ZNF25: variants seen among roughly 807,000 people sequenced by gnomAD.
ZNF25 encodes zinc finger protein 25 (KOX 19).
Under a neutral mutation model 30.9 loss-of-function variants are expected in ZNF25, and 21 were observed. That is an observed-to-expected ratio of 0.68 (90% confidence interval 0.48 to 0.98). The LOEUF is 0.98. ZNF25 is among the 50% of genes least tolerant of loss of function. The pLI, the probability that ZNF25 is intolerant of heterozygous loss-of-function variation, is 0.00. For synonymous variants in ZNF25, 169 were observed against 181.3 expected (o/e 0.93, Z 0.55); for missense variants, 501 against 529.9 (o/e 0.95, Z 0.54).
At chr10:37,976,274 C>A (rs943202194) in intron 1 of ZNF25, among the ~76,000 whole-genome samples, 1 of 152,204 alleles carries the variant, frequency 6.6e-6, no homozygotes, top group South Asian at 2.1e-4. Context: ...TCACACAATG[C>A]GGCTGCTCCG....
Position 37,950,902 on chromosome 10 carries a change from G to C in ZNF25, c.*1225C>G, listed in dbSNP as rs1282450369. 3 of 152,144 alleles carry C rather than the reference G, an allele frequency of 2.0e-5. No homozygotes were observed. Among genetic ancestry groups the C allele is most frequent in the Non-Finnish European group, 4.4e-5 (3 of 68,032 alleles). 9.4% of individuals were successfully genotyped at this position (152,144 alleles called of 1,614,324 possible). On this transcript the variant is annotated 3_prime_UTR_variant, in exon 6 of 6. Coordinates refer to ENST00000302609, the MANE Select transcript of ZNF25 (RefSeq NM_145011.4). ...CTCACACTAAATACAAATGCAGATAGCTCTGCTCCCTGCTCACACATCAAC... is the reference window on the plus strand; with the variant it reads ...CTCACACTAAATACAAATGCAGATACCTCTGCTCCCTGCTCACACATCAAC...
chr10:37,965,995 G>C (rs769333171), intron 2 of ZNF25, among the ~76,000 whole-genome samples: 1 of 152,052 alleles, frequency 6.6e-6, no homozygotes, highest in Non-Finnish European at 1.5e-5. Context: ...GTAATACTAA[G>C]AGTAACCACT....
chr10:37,949,663 A>G lies in ZNF25; in HGVS notation c.*2464T>C, dbSNP rs2062044284. On this transcript the variant is annotated 3_prime_UTR_variant, in exon 6 of 6. Coordinates refer to ENST00000302609, the MANE Select transcript of ZNF25 (RefSeq NM_145011.4). ...GACAATTACATGAAGTGCAGGCAAT[A>G]ATTTTATAGATTACTAGTAATGTAG... 6.6e-6 allele frequency: 1 copy of G among 152,258 alleles called. No individual in the cohort carries two copies. Among genetic ancestry groups the G allele is most frequent in the Admixed American group, 6.5e-5 (1 of 15,282 alleles). The allele number at this position is 152,258 out of a possible 1,614,324, so 9.4% of individuals were successfully genotyped here.
intron 4 of ZNF25, among the ~76,000 whole-genome samples, chr10:37,954,409 T>G (rs1353740144): frequency 4.6e-5 from 7 of 152,184 alleles, no homozygotes; most frequent in African/African-American, 1.7e-4. Context: ...TCTAGTTGGC[T>G]TTATTTTCAG....
intron 2 of ZNF25, among the ~76,000 whole-genome samples, chr10:37,959,823 T>C (rs2062749707): frequency 6.6e-6 from 1 of 151,872 alleles, no homozygotes; most frequent in Non-Finnish European, 1.5e-5. Flanking sequence ...TTGGCCAGGC[T>C]GGTCTCGAAC....
chr10:37,955,844 C>G (rs539516953), intron 4 of ZNF25, among the ~76,000 whole-genome samples: 1 of 151,966 alleles, frequency 6.6e-6, no homozygotes, highest in East Asian at 1.9e-4. Context: ...CCACCAAGCC[C>G]GGCTAATTTT....
At chr10:37,965,196 T>G (rs1240621616) in intron 2 of ZNF25, among the ~76,000 whole-genome samples, 1 of 152,096 alleles carries the variant, frequency 6.6e-6, no homozygotes, top group Non-Finnish European at 1.5e-5. Flanking sequence ...CAGGCAGAAG[T>G]CTGCCACAGA....
intron 4 of ZNF25, among the ~76,000 whole-genome samples, chr10:37,955,457 C>T (rs1282305160): frequency 6.6e-6 from 1 of 151,842 alleles, no homozygotes; most frequent in Non-Finnish European, 1.5e-5. Flanking sequence ...TTGTTTTGAC[C>T]CTAACAAGGA....
intron 5 of ZNF25, 182 bp downstream of exon 5, chr10:37,953,513 C>T: frequency 1.6e-6 from 1 of 639,430 alleles, no homozygotes. Context: ...TTTCAATCTC[C>T]CGATCCTGCA....
Position 37,952,464 on chromosome 10 carries a change from T to C in ZNF25, c.1034A>G (p.Asn345Ser), listed in dbSNP as rs997836960. 5 of 1,613,892 alleles carry C rather than the reference T, an allele frequency of 3.1e-6. No homozygotes were observed. The African/African-American group carries it at 4.0e-5, about 13-fold the overall frequency. ...THTGEKPFEC[N>S]KCGKTFYYKS... ...ATAGTAAAATGTTTTCCCACATTTA[T>C]TACATTCAAAGGGTTTCTCCCCTGT... Residue 345 changes from asparagine to serine, a missense_variant, in exon 6 of 6, where the codon AAT becomes AGT. Transcript: ENST00000302609.
chr10:37,971,360 G>A (rs79018136), intron 2 of ZNF25, among the ~76,000 whole-genome samples: 9,033 of 151,250 alleles, frequency 0.06, 351 homozygotes, highest in Middle Eastern at 0.097. Context: ...CAATGTCATT[G>A]TCTACTTTAT....
intron 1 of ZNF25, among the ~76,000 whole-genome samples, chr10:37,975,777 T>G (rs1319617160): frequency 6.6e-6 from 1 of 152,158 alleles, no homozygotes; most frequent in African/African-American, 2.4e-5. Context: ...CACTACCTGG[T>G]TGAGACTGGG....
intron 2 of ZNF25, among the ~76,000 whole-genome samples, chr10:37,967,609 T>C (rs937267157): frequency 1.3e-5 from 2 of 152,052 alleles, no homozygotes; most frequent in Non-Finnish European, 2.9e-5. Context: ...GGTCTTGTCA[T>C]GTTGCCCAGG....
At chr10:37,958,310 A>G (rs942473921) in intron 2 of ZNF25, among the ~76,000 whole-genome samples, 1 of 152,238 alleles carries the variant, frequency 6.6e-6, no homozygotes, top group Admixed American at 6.5e-5. Context: ...AACTTTAGGA[A>G]TAAAGAAAAC....
At position 37,952,551 on chromosome 10, in the gene ZNF25, C is replaced by T. The variant is rs969796540; in HGVS notation, c.947G>A (p.Cys316Tyr). The T allele has an allele frequency of 1.2e-6, 2 of 1,613,738 alleles. No homozygotes were observed. The highest frequency in any genetic ancestry group is 1.7e-5 in the Admixed American group (1 of 59,974). ...GTAGAAGCATTTCCTACATTCCTTA[C>T]ATTCATAGGGTTTCTCTCCTGTGTG... ...RSHTGEKPYE[C>Y]KECRKCFYQK... Residue 316 changes from cysteine to tyrosine, a missense_variant, in exon 6 of 6, where the codon TGT becomes TAT. Transcript: ENST00000302609.
chr10:37,963,839 G>A (rs1487600151), intron 2 of ZNF25, among the ~76,000 whole-genome samples: 5 of 152,166 alleles, frequency 3.3e-5, no homozygotes, highest in Non-Finnish European at 7.3e-5. Flanking sequence ...GGCGGGTGTG[G>A]TGGTCCACGC....
intron 2 of ZNF25, among the ~76,000 whole-genome samples, chr10:37,967,421 C>CTT (rs34878046): frequency 1.2e-4 from 17 of 145,014 alleles, no homozygotes; most frequent in Non-Finnish European, 2.0e-4. Flanking sequence ...TGATTTTCTT[C>CTT]TTTTTTTTTT....
At chr10:37,954,836 TA>T (rs1482637187) in intron 4 of ZNF25, among the ~76,000 whole-genome samples, 1 of 152,150 alleles carries the variant, frequency 6.6e-6, no homozygotes, top group Non-Finnish European at 1.5e-5. Context: ...TATGCGACGT[TA>T]ACTCAGGAAC....
At chr10:37,954,375 T>C (rs2062381076) in intron 4 of ZNF25, among the ~76,000 whole-genome samples, 3 of 152,218 alleles carry the variant, frequency 2.0e-5, no homozygotes, top group Non-Finnish European at 4.4e-5. Flanking sequence ...GGAAGAGTCC[T>C]GTAGCTTGGG....
Sources: gnomAD v4.1 joint callset for allele counts (sites outside exome capture counted in the v4.1 genomes callset) on GRCh38, gnomAD v4.1.1 for gene constraint, MANE v1.5 for transcripts, NCBI Gene and HGNC (gene_info 2026-07-23, HGNC 2026-07-21) for gene names.